MTPAP: variants seen among roughly 807,000 people sequenced by gnomAD.
MTPAP encodes the protein mitochondrial poly(A) polymerase.
Under a neutral mutation model 48.7 loss-of-function variants are expected in MTPAP, and 23 were observed. That is an observed-to-expected ratio of 0.47 (90% CI 0.34 to 0.67). MTPAP has a LOEUF of 0.67. Among genes scored for constraint, MTPAP ranks in the 30% least tolerant of loss-of-function variants. MTPAP has a pLI of 0.01. For synonymous variants in MTPAP, 257 were observed against 254.1 expected (o/e 1.01, Z -0.11); for missense variants, 614 against 694.3 (o/e 0.88, Z 1.30).
chr10:30,318,375 A>G (rs1840684976), intron 6 of MTPAP, among the ~76,000 whole-genome samples: 2 of 152,220 alleles, frequency 1.3e-5, no homozygotes, highest in Admixed American at 1.3e-4. Context: ...TATAAAATGT[A>G]TGTATGTATA....
At chr10:30,328,700 C>T (rs1834628212) in intron 4 of MTPAP, among the ~76,000 whole-genome samples, 1 of 152,248 alleles carries the variant, frequency 6.6e-6, no homozygotes, top group Non-Finnish European at 1.5e-5. Flanking sequence ...GTGTACCCCA[C>T]ATTCATTTGG....
chr10:30,329,911 GGA>G (rs1491333996), intron 4 of MTPAP, among the ~76,000 whole-genome samples: 2 of 146,672 alleles, frequency 1.4e-5, no homozygotes, highest in East Asian at 5.1e-4. Flanking sequence ...TACTAATGGG[GGA>G]AAAAAAATGA....
In MTPAP at chr10:30,316,111, C is replaced by T. The variant is rs979416385; in HGVS notation, c.1312+7G>A. The stretch of plus-strand genomic sequence containing the variant: ...AGAAAGGATCAAGTAAACAGAAAGA[C>T]ACTTACCTAATGTTTCTGTGTTCTG... On this transcript the variant is annotated splice_region_variant and intron_variant, in intron 7 of 8. Coordinates refer to ENST00000263063, the MANE Select transcript of MTPAP (RefSeq NM_018109.4). The T allele has an allele frequency of 6.2e-7, 1 of 1,611,320 alleles. No homozygotes were observed. The highest frequency in any genetic ancestry group is 8.5e-7 in the Non-Finnish European group (1 of 1,177,608).
intron 4 of MTPAP, among the ~76,000 whole-genome samples, chr10:30,329,519 G>A (rs1484049423): frequency 2.0e-5 from 3 of 152,022 alleles, no homozygotes; most frequent in African/African-American, 7.2e-5. Flanking sequence ...CAGGCATGAA[G>A]CACTGGGCCC....
chr10:30,337,679 G>A (rs1834745712), intron 3 of MTPAP, among the ~76,000 whole-genome samples: 1 of 152,136 alleles, frequency 6.6e-6, no homozygotes, highest in South Asian at 2.1e-4. Context: ...TAAGCGATGA[G>A]TATAAAGTAT....
rs1035652074 is a variant in MTPAP, at chr10:30,315,352, A to G, written c.1386+611T>C. ...GTTTGTAATCAAGTAGCCAAATGCT[A>G]AACAGAATAAACCCAAACAGAGGGC... On this transcript the variant is annotated intron_variant, in intron 8 of 8. Coordinates refer to ENST00000263063, the MANE Select transcript of MTPAP (RefSeq NM_018109.4). Among the ~76,000 whole-genome samples, 4 of 152,204 alleles carry G rather than the reference A, an allele frequency of 2.6e-5. 1 individual carries two copies. Among genetic ancestry groups the G allele is most frequent in the Admixed American group, 2.6e-4 (4 of 15,278 alleles).
intron 5 of MTPAP, among the ~76,000 whole-genome samples, chr10:30,323,515 T>C (rs1169616586): frequency 1.3e-5 from 2 of 149,838 alleles, no homozygotes; most frequent in African/African-American, 4.9e-5. Context: ...AATATGTATG[T>C]ATTTATTTAT....
rs187022485 is a variant in MTPAP at position 30,349,041 on chromosome 10, C to A, written c.157+78G>T. The A allele has an allele frequency of 7.3e-5, 117 of 1,604,678 alleles. No homozygotes were observed. In the East Asian group the frequency reaches 2.6e-3, roughly 36 times the overall value. ...GCCAAAGGGTCCACAGCCGTTTCCACAGGCCACGTGTTTCCCCGTGATCCC... is the reference window on the plus strand; with the variant it reads ...GCCAAAGGGTCCACAGCCGTTTCCAAAGGCCACGTGTTTCCCCGTGATCCC... On this transcript the variant is annotated intron_variant, in intron 1 of 8. Coordinates refer to ENST00000263063, the MANE Select transcript of MTPAP (RefSeq NM_018109.4).
chr10:30,336,887 G>A lies in MTPAP; in HGVS notation c.696C>T (p.Ser232=), dbSNP rs780929371. 1.2e-6 allele frequency: 2 copies of A among 1,613,064 alleles called. No individual in the cohort carries two copies. Among genetic ancestry groups the A allele is most frequent in the South Asian group, 2.2e-5 (2 of 91,020 alleles). The change falls in exon 4 of 9, where the codon TCC becomes TCT. Residue 232 remains serine, a synonymous_variant. Coordinates refer to ENST00000263063, the MANE Select transcript of MTPAP (RefSeq NM_018109.4). The part of the protein sequence containing the change: ...FPDCIVRPFG[S]SVNTFGKLGC... ...CTAACTTCCCAAAAGTGTTGACTGAGGAGCCAAAGGGTCTGACTATGCAGT... is the reference window on the plus strand; with the variant it reads ...CTAACTTCCCAAAAGTGTTGACTGAAGAGCCAAAGGGTCTGACTATGCAGT...
chr10:30,315,356 A>G (rs1840648370), intron 8 of MTPAP, among the ~76,000 whole-genome samples: 2 of 152,238 alleles, frequency 1.3e-5, no homozygotes, highest in African/African-American at 4.8e-5. Flanking sequence ...AATGCTAAAC[A>G]GAATAAACCC....
At chr10:30,316,462 C>T (rs925290590) in intron 6 of MTPAP, among the ~76,000 whole-genome samples, 2 of 149,386 alleles carry the variant, frequency 1.3e-5, no homozygotes, top group African/African-American at 2.5e-5. Flanking sequence ...AGGCTGGTCT[C>T]GAACTCCTGA....
Position 30,311,062 on chromosome 10 carries a change from T to C in MTPAP, c.*2547A>G, listed in dbSNP as rs1436036853. ...CATACTTTATGTGCTTAAATAACCATATTACACCTAGCACCAACCTAAAAA... is the reference window on the plus strand; with the variant it reads ...CATACTTTATGTGCTTAAATAACCACATTACACCTAGCACCAACCTAAAAA... On this transcript the variant is annotated 3_prime_UTR_variant, in exon 9 of 9. Coordinates refer to ENST00000263063, the MANE Select transcript of MTPAP (RefSeq NM_018109.4). The C allele has an allele frequency of 6.6e-6, 1 of 152,096 alleles. No homozygotes were observed. Among genetic ancestry groups the C allele is most frequent in the African/African-American group, 2.4e-5 (1 of 41,416 alleles). 9.4% of individuals were successfully genotyped at this position (152,096 alleles called of 1,614,324 possible).
chr10:30,319,182 T>C (rs1038562095), intron 6 of MTPAP, among the ~76,000 whole-genome samples: 2 of 152,124 alleles, frequency 1.3e-5, no homozygotes, highest in East Asian at 3.9e-4. Flanking sequence ...CCAACTGGTA[T>C]ACAGGAATCA....
chr10:30,313,298 T>C lies in MTPAP; in HGVS notation c.*311A>G. ...TTTTTAGAGATGGAATCTTGCTATG[T>C]TGTCCACGATGGATTCAAAATCCTG... On this transcript the variant is annotated 3_prime_UTR_variant, in exon 9 of 9. Coordinates refer to ENST00000263063, the MANE Select transcript of MTPAP (RefSeq NM_018109.4). 1 of 329,574 alleles carries C rather than the reference T, an allele frequency of 3.0e-6. No homozygotes were observed. The highest frequency in any genetic ancestry group is 4.2e-5 in the South Asian group (1 of 23,942). The allele number at this position is 329,574 out of a possible 1,614,324, so 20.4% of individuals were successfully genotyped here.
intron 4 of MTPAP, among the ~76,000 whole-genome samples, chr10:30,333,445 T>C (rs1164257749): frequency 6.6e-6 from 1 of 152,234 alleles, no homozygotes; most frequent in Non-Finnish European, 1.5e-5. Flanking sequence ...GTAAGTAGAA[T>C]TAAAATTCTG....
intron 8 of MTPAP, among the ~76,000 whole-genome samples, chr10:30,314,243 A>T (rs1301625348): frequency 6.6e-6 from 1 of 152,038 alleles, no homozygotes; most frequent in East Asian, 1.9e-4. Flanking sequence ...GTCATTGCTC[A>T]GAGAAGAGGT....
At chr10:30,331,892 G>A (rs1230399991) in intron 4 of MTPAP, among the ~76,000 whole-genome samples, 1 of 152,168 alleles carries the variant, frequency 6.6e-6, no homozygotes, top group Non-Finnish European at 1.5e-5. Context: ...TCATTCATTA[G>A]CAAATAATTT....
intron 3 of MTPAP, 184 bp downstream of exon 3, chr10:30,340,042 A>C: frequency 1.6e-6 from 1 of 619,192 alleles, no homozygotes; most frequent in Non-Finnish European, 2.8e-6. Flanking sequence ...AGAAATAGAA[A>C]AAAACTTTCC....
intron 4 of MTPAP, among the ~76,000 whole-genome samples, chr10:30,328,182 G>T (rs1834621803): frequency 6.6e-6 from 1 of 152,052 alleles, no homozygotes; most frequent in Non-Finnish European, 1.5e-5. Flanking sequence ...AAAATTCACA[G>T]AAAAAATAAA....
Sources: gnomAD v4.1 joint callset for allele counts (sites outside exome capture counted in the v4.1 genomes callset) on GRCh38, gnomAD v4.1.1 for gene constraint, MANE v1.5 for transcripts, NCBI Gene and HGNC (gene_info 2026-07-23, HGNC 2026-07-21) for gene names.